KREMEN1: variants seen among roughly 807,000 people sequenced by gnomAD.
The protein encoded by KREMEN1 is kremen protein 1.
A neutral mutation model predicts 46.5 loss-of-function variants in KREMEN1; 30 were observed. That is an observed-to-expected ratio of 0.65 (90% CI 0.48 to 0.88). The LOEUF is 0.88. KREMEN1 is among the 40% of genes least tolerant of loss of function. The probability of loss-of-function intolerance (pLI) is 0.00; values close to 1 mark genes in which losing one functional copy is unlikely to be tolerated. For synonymous variants in KREMEN1, 214 were observed against 230.6 expected (o/e 0.93, Z 0.65); for missense variants, 533 against 596.9 (o/e 0.89, Z 1.11).
At chr22:29,125,220 T>G in intron 4 of KREMEN1, 43 bp from the exon 5 acceptor site, 1 of 1,602,510 alleles carries the variant, frequency 6.2e-7, no homozygotes, top group Non-Finnish European at 8.5e-7. Flanking sequence ...CCATCTGACA[T>G]CCCTGATGAT....
In KREMEN1 at chr22:29,075,317, G is replaced by A. The variant is rs1057434106; in HGVS notation, c.97+2090G>A. On this transcript the variant is annotated intron_variant, in intron 1 of 8. Transcript: ENST00000400335. The stretch of plus-strand genomic sequence containing the variant: ...TGGTTCCCCTTCTGGAAAGGGCAGA[G>A]CAGCAGCTCTGATTTGCATCAAGTG... Among the ~76,000 whole-genome samples the A allele has an allele frequency of 2.0e-5, 3 of 152,206 alleles. No individual in the cohort carries two copies. The East Asian group carries it at 5.8e-4, about 29-fold the overall frequency.
intron 2 of KREMEN1, among the ~76,000 whole-genome samples, chr22:29,096,594 A>C (rs1694385561): frequency 6.6e-6 from 1 of 152,186 alleles, no homozygotes; most frequent in African/African-American, 2.4e-5. Context: ...GAACTATTTA[A>C]TACCAGTTTA....
At chr22:29,082,348 C>T (rs1264661031) in intron 1 of KREMEN1, among the ~76,000 whole-genome samples, 3 of 152,208 alleles carry the variant, frequency 2.0e-5, no homozygotes, top group Non-Finnish European at 2.9e-5. Context: ...TGAGCCACTG[C>T]ACCCAGCCCC....
intron 9 of KREMEN1, among the ~76,000 whole-genome samples, chr22:29,161,611 T>G (rs2145876008): frequency 6.6e-6 from 1 of 151,174 alleles, no homozygotes; most frequent in South Asian, 2.1e-4. Flanking sequence ...TTCCACCAGA[T>G]GTACAAGGAA....
chr22:29,079,549 A>T (rs998649832), intron 1 of KREMEN1, among the ~76,000 whole-genome samples: 2 of 152,242 alleles, frequency 1.3e-5, no homozygotes, highest in African/African-American at 4.8e-5. Flanking sequence ...TTCCAAACCC[A>T]AGTGTCACAC....
chr22:29,140,426 A>T, intron 8 of KREMEN1, 60 bp downstream of exon 8: 1 of 1,214,438 alleles, frequency 8.2e-7, no homozygotes, highest in Non-Finnish European at 1.2e-6. Context: ...TTCATTTTCT[A>T]TGATGCTTCA....
intron 9 of KREMEN1, among the ~76,000 whole-genome samples, chr22:29,157,051 A>G (rs17451544): frequency 0.16 from 25,026 of 152,210 alleles, 2,167 homozygotes; most frequent in Non-Finnish European, 0.18. Flanking sequence ...CCTTTTTACA[A>G]CTTTGAAGCC....
chr22:29,134,143 G>A (rs1263561423), intron 5 of KREMEN1: 1 of 149,582 alleles, frequency 6.7e-6, no homozygotes, highest in African/African-American at 2.5e-5. Flanking sequence ...CTCCAATATT[G>A]TTTGATTTCC....
chr22:29,082,772 T>C (rs134620), intron 1 of KREMEN1, among the ~76,000 whole-genome samples: 97,315 of 152,070 alleles, frequency 0.64, 31,343 homozygotes, highest in Middle Eastern at 0.78. Flanking sequence ...TTTCAAAACC[T>C]CTGGTTTCTA....
At chr22:29,122,767 G>A (rs1413217943) in intron 4 of KREMEN1, among the ~76,000 whole-genome samples, 3 of 151,672 alleles carry the variant, frequency 2.0e-5, no homozygotes, top group Non-Finnish European at 4.4e-5. Context: ...GTGAAACCCC[G>A]TCTGTACTAA....
At chr22:29,082,205 TTTTTATTTTA>T (rs544424903) in intron 1 of KREMEN1, among the ~76,000 whole-genome samples, 4 of 151,974 alleles carry the variant, frequency 2.6e-5, no homozygotes, top group Admixed American at 6.6e-5. Context: ...AAAATTCATA[TTTTTATTTTA>T]TTTTATTTTA....
intron 5 of KREMEN1, among the ~76,000 whole-genome samples, chr22:29,131,776 A>G (rs1179312547): frequency 5.0e-5 from 7 of 140,040 alleles, no homozygotes; most frequent in South Asian, 4.3e-4. Context: ...ATGTATATAT[A>G]TATATAGTTT....
intron 3 of KREMEN1, among the ~76,000 whole-genome samples, chr22:29,105,511 A>ACT (rs2038046961): frequency 1.3e-5 from 2 of 149,778 alleles, no homozygotes. Flanking sequence ...ACACACACAC[A>ACT]CTCTGATGAA....
intron 1 of KREMEN1, among the ~76,000 whole-genome samples, chr22:29,080,283 T>C (rs1454026215): frequency 2.0e-5 from 3 of 152,260 alleles, no homozygotes; most frequent in Non-Finnish European, 4.4e-5. Flanking sequence ...AATTAGAGAC[T>C]GTAGCATCTG....
Position 29,146,404 on chromosome 22 carries a change from G to A in KREMEN1, c.*4292G>A. 1.0e-6 allele frequency: 1 copy of A among 985,822 alleles called. No homozygotes were observed. Among genetic ancestry groups the A allele is most frequent in the Non-Finnish European group, 1.2e-6 (1 of 829,970 alleles). 61.1% of individuals were successfully genotyped at this position (985,822 alleles called of 1,614,324 possible). A position where few individuals can be genotyped will look rare whatever the true frequency, so the allele number is the denominator to read the frequency against. On this transcript the variant is annotated 3_prime_UTR_variant, in exon 9 of 9. Transcript: ENST00000400335. ...CACAGGCTTCCGTCTTGCTGAGTTG[G>A]GTACGGAGGCAGAAGTGGGGTGTGG... is the stretch of plus-strand genomic sequence containing the variant.
At chr22:29,098,185 CAA>C (rs11366831) in intron 2 of KREMEN1, among the ~76,000 whole-genome samples, 6 of 134,252 alleles carry the variant, frequency 4.5e-5, no homozygotes, top group Admixed American at 7.6e-5. Flanking sequence ...GAGTTTGTCT[CAA>C]AAAAAAAAAA....
At chr22:29,076,227 C>T (rs1478715288) in intron 1 of KREMEN1, among the ~76,000 whole-genome samples, 1 of 152,132 alleles carries the variant, frequency 6.6e-6, no homozygotes, top group East Asian at 1.9e-4. Context: ...CTGTGAATAC[C>T]TTTTATAAGT....
At chr22:29,091,942 G>A (rs2034082872) in intron 1 of KREMEN1, among the ~76,000 whole-genome samples, 1 of 152,180 alleles carries the variant, frequency 6.6e-6, no homozygotes, top group African/African-American at 2.4e-5. Context: ...GCAGACCAGT[G>A]TGGCCGAAGC....
chr22:29,138,796 G>T lies in KREMEN1; in HGVS notation c.1123+14G>T. The T allele has an allele frequency of 6.2e-7, 1 of 1,614,184 alleles. No homozygotes were observed. On this transcript the variant is annotated intron_variant, in intron 7 of 8. Transcript: ENST00000400335. ...AGACTGTCCCAGGTAGCAATTCCTG[G>T]GCGCCACCCATGGGGGCTGGAAGCC...
Sources: gnomAD v4.1 joint callset for allele counts (sites outside exome capture counted in the v4.1 genomes callset) on GRCh38, gnomAD v4.1.1 for gene constraint, MANE v1.5 for transcripts, NCBI Gene and HGNC (gene_info 2026-07-23, HGNC 2026-07-21) for gene names.